AFAP1L2: variants seen among roughly 807,000 people sequenced by gnomAD.
AFAP1L2 encodes actin filament associated protein 1 like 2, also known as actin filament-associated protein 1-like 2.
In AFAP1L2, 46 loss-of-function variants were observed where a neutral mutation model predicts 99.3. The ratio of observed to expected loss-of-function variants is 0.46; its 90% CI spans 0.37 to 0.59. The LOEUF (loss-of-function observed/expected upper bound fraction) is 0.59. Among genes scored for constraint, AFAP1L2 ranks in the 20% least tolerant of loss-of-function variants. The pLI is 0.00. For missense variants in AFAP1L2, 959 were observed against 1,034.9 expected, an observed-to-expected ratio of 0.93 and a Z score of 1.01; for synonymous variants, 397 against 419.1, an observed-to-expected ratio of 0.95 and a Z score of 0.64.
At chr10:114,390,029 A>G (rs779366809) in intron 1 of AFAP1L2, among the ~76,000 whole-genome samples, 1 of 152,098 alleles carries the variant, frequency 6.6e-6, no homozygotes, top group Non-Finnish European at 1.5e-5. Context: ...CCCATACCCC[A>G]TTCTCCTCCC....
At chr10:114,312,623 A>T (rs1470145703) in intron 7 of AFAP1L2, among the ~76,000 whole-genome samples, 2 of 152,086 alleles carry the variant, frequency 1.3e-5, no homozygotes, top group Non-Finnish European at 2.9e-5. Context: ...GCCCCAAATC[A>T]CTCAGCTAAA....
At chr10:114,288,065 T>C in the AFAP1L2 span, among the ~76,000 whole-genome samples, 33 of 152,286 alleles carry the variant, frequency 2.2e-4, no homozygotes, top group Admixed American at 3.3e-4. Context: ...TGGTTCCCCT[T>C]TGCACTTGGA....
At chr10:114,387,639 T>C (rs10787527) in intron 1 of AFAP1L2, among the ~76,000 whole-genome samples, 50,799 of 152,080 alleles carry the variant, frequency 0.33, 9,380 homozygotes, top group East Asian at 0.56. Flanking sequence ...CTTTTCAGAT[T>C]AAGAAACTGA....
chr10:114,379,462 T>A (rs924984286), intron 1 of AFAP1L2, among the ~76,000 whole-genome samples: 9 of 151,880 alleles, frequency 5.9e-5, no homozygotes, highest in Non-Finnish European at 1.5e-5. Context: ...TGATAAAAAA[T>A]AATAATAATA....
chr10:114,324,663 T>G (rs1423900830), intron 4 of AFAP1L2, among the ~76,000 whole-genome samples: 4 of 152,210 alleles, frequency 2.6e-5, no homozygotes, highest in Non-Finnish European at 2.9e-5. Context: ...GTCCTTGTGC[T>G]GCGCCCTCCG....
chr10:114,295,659 G>A lies in AFAP1L2; in HGVS notation c.*383C>T, dbSNP rs778318895. On this transcript the variant is annotated 3_prime_UTR_variant, in exon 19 of 19. Coordinates refer to ENST00000304129, the MANE Select transcript of AFAP1L2 (RefSeq NM_001001936.3). ...AGGTCTTCTCACTCACCAAAGACAC[G>A]TGACCCATAAGACAGGGCCCTGCTT... 88 of 1,017,656 alleles carry A rather than the reference G, an allele frequency of 8.6e-5. No homozygotes were observed. The highest frequency in any genetic ancestry group is 9.6e-5 in the Non-Finnish European group (82 of 850,586). 63.0% of individuals were successfully genotyped at this position (1,017,656 alleles called of 1,614,324 possible).
At position 114,372,126 on chromosome 10, in the gene AFAP1L2, CTTCTTGGGCTTGGGGATTGA is replaced by C. The variant is rs2054200718; in HGVS notation, c.17-31415_17-31396del. Among the ~76,000 whole-genome samples, 2 of 152,196 alleles carry C rather than the reference CTTCTTGGGCTTGGGGATTGA, an allele frequency of 1.3e-5. 1 individual carries two copies. The highest frequency in any genetic ancestry group is 2.9e-5 in the Non-Finnish European group (2 of 68,030). On this transcript the variant is annotated intron_variant, in intron 1 of 18. Transcript: ENST00000304129. ...ACTAATCTGTTCCAAATTGAAGTTT[CTTCTTGGGCTTGGGGATTGA>C]TGCTCTAAATCGTTTTGTGGAGAAT...
intron 4 of AFAP1L2, among the ~76,000 whole-genome samples, chr10:114,331,324 G>T (rs2047200356): frequency 6.6e-6 from 1 of 152,120 alleles, no homozygotes. Flanking sequence ...TTGCTATGTT[G>T]CTCAGGTTGG....
At chr10:114,313,256 C>T (rs753243269) in intron 7 of AFAP1L2, among the ~76,000 whole-genome samples, 10 of 152,160 alleles carry the variant, frequency 6.6e-5, no homozygotes, top group Admixed American at 1.3e-4. Flanking sequence ...ACTTTACATC[C>T]GCTGGAAGCA....
At position 114,316,567 on chromosome 10, in the gene AFAP1L2, A is replaced by G. The variant is rs1590088650; in HGVS notation, c.407-802T>C. On this transcript the variant is annotated intron_variant, in intron 5 of 18. Transcript: ENST00000304129. ...TCTTTTGTTTTGAAAGAATCCTAAA[A>G]CTCATCAGAGCACAAATCATGCACG... Among the ~76,000 whole-genome samples, 4 of 151,970 alleles carry G rather than the reference A, an allele frequency of 2.6e-5. No homozygotes were observed. The East Asian group carries it at 7.7e-4, about 29-fold the overall frequency.
At chr10:114,303,638 G>C (rs944366847) in intron 11 of AFAP1L2, among the ~76,000 whole-genome samples, 3 of 152,218 alleles carry the variant, frequency 2.0e-5, no homozygotes. Flanking sequence ...TCTAAATACA[G>C]CTTTTCATGG....
At chr10:114,291,336 TGTGCCCCAG>T, downstream of AFAP1L2, 1 of 1,385,784 alleles carries the variant, frequency 7.2e-7, no homozygotes, top group African/African-American at 1.4e-5. Flanking sequence ...CTGGAATGTC[TGTGCCCCAG>T]GTCCTTAGAA....
At chr10:114,400,862 C>T (rs1047761382) in intron 1 of AFAP1L2, among the ~76,000 whole-genome samples, 1 of 152,244 alleles carries the variant, frequency 6.6e-6, no homozygotes, top group South Asian at 2.1e-4. Flanking sequence ...CAGATGATTC[C>T]ATGCACAGCA....
chr10:114,286,618 G>GTGGTTTCAGCCCCT, the AFAP1L2 span: 2 of 945,642 alleles, frequency 2.1e-6, no homozygotes, highest in Non-Finnish European at 3.1e-6. Flanking sequence ...TCTAGGGGCT[G>GTGGTTTCAGCCCCT]AAACCACAGC....
chr10:114,300,782 C>A, intron 13 of AFAP1L2, 92 bp from the exon 14 acceptor site: 1 of 1,484,484 alleles, frequency 6.7e-7, no homozygotes, highest in Non-Finnish European at 9.0e-7. Context: ...GTTCTGGTGC[C>A]CATCTCACAG....
At chr10:114,316,952 T>C (rs1242965385) in intron 5 of AFAP1L2, among the ~76,000 whole-genome samples, 1 of 152,186 alleles carries the variant, frequency 6.6e-6, no homozygotes, top group Non-Finnish European at 1.5e-5. Flanking sequence ...AGTTAGGAAA[T>C]GGACTCAGCA....
chr10:114,296,902 A>G, intron 18 of AFAP1L2, 76 bp downstream of exon 18: 1 of 1,610,940 alleles, frequency 6.2e-7, no homozygotes, highest in Non-Finnish European at 8.5e-7. Flanking sequence ...ACAAAGCACC[A>G]CCTGGGTCAG....
chr10:114,332,933 C>T (rs1296211650), intron 3 of AFAP1L2, among the ~76,000 whole-genome samples: 1 of 152,204 alleles, frequency 6.6e-6, no homozygotes, highest in African/African-American at 2.4e-5. Context: ...CTGCTTTCTT[C>T]GAACATCTGA....
intron 1 of AFAP1L2, chr10:114,362,970 C>T (rs1412389863): frequency 2.0e-6 from 2 of 985,354 alleles, no homozygotes; most frequent in Non-Finnish European, 2.4e-6. Context: ...CACAGTGGGC[C>T]GGGGAATTCC....
Sources: allele counts gnomAD v4.1 joint callset (sites outside exome capture counted in the v4.1 genomes callset), GRCh38; gene constraint gnomAD v4.1.1; transcripts MANE v1.5; gene names NCBI Gene and HGNC (gene_info 2026-07-23, HGNC 2026-07-21).